Variants in MACROD2 observed in about 807,000 individuals in gnomAD.
MACROD2 encodes the protein ADP-ribose glycohydrolase MACROD2.
In MACROD2, 36 loss-of-function variants were observed where a neutral mutation model predicts 70.4. The ratio of observed to expected loss-of-function variants is 0.51; its 90% CI spans 0.39 to 0.68. MACROD2 has a LOEUF of 0.68. Ranked by LOEUF, MACROD2 falls within the 30% of genes least tolerant of loss-of-function variation. The pLI, the probability that MACROD2 is intolerant of heterozygous loss-of-function variation, is 0.00. For synonymous variants in MACROD2, 172 were observed against 178.8 expected (o/e 0.96, Z 0.30); for missense variants, 496 against 538.4 (o/e 0.92, Z 0.78).
intron 5 of MACROD2, among the ~76,000 whole-genome samples, chr20:14,906,384 C>T (rs1214311943): frequency 6.6e-6 from 1 of 152,120 alleles, no homozygotes; most frequent in Non-Finnish European, 1.5e-5. Flanking sequence ...ATCCCAGCTA[C>T]TGGGGAGGCT....
At chr20:15,369,444 C>T (rs2146259361) in intron 6 of MACROD2, among the ~76,000 whole-genome samples, 1 of 152,236 alleles carries the variant, frequency 6.6e-6, no homozygotes, top group East Asian at 1.9e-4. Context: ...CTATTAGTAG[C>T]TCTCCTTGTA....
intron 6 of MACROD2, among the ~76,000 whole-genome samples, chr20:15,355,596 C>A (rs2078277441): frequency 6.6e-6 from 1 of 152,174 alleles, no homozygotes; most frequent in African/African-American, 2.4e-5. Context: ...AATCTCTAGT[C>A]CTTGCCCCTT....
intron 6 of MACROD2, among the ~76,000 whole-genome samples, chr20:15,309,807 T>G (rs922861131): frequency 1.3e-5 from 2 of 152,104 alleles, no homozygotes; most frequent in African/African-American, 4.8e-5. Context: ...AAAGAGAAAG[T>G]GATATTTTTG....
In MACROD2 at chr20:15,948,382, C is replaced by CAA. The variant is rs71192307; in HGVS notation, c.907+10867_907+10868dup. Among the ~76,000 whole-genome samples, 190 of 43,134 alleles carry CAA rather than the reference C, an allele frequency of 4.4e-3. 5 individuals are homozygous for CAA. The highest frequency in any genetic ancestry group is 5.2e-3 in the Non-Finnish European group (112 of 21,346). 28.3% of individuals were successfully genotyped at this position (43,134 alleles called of 152,430 possible). A position where few individuals can be genotyped will look rare whatever the true frequency, so the allele number is the denominator to read the frequency against. ...TTCACTCTATTAAATCTTGCAACTGCAAAAAAAAAAAAAAAAAAAAAAAAA... is the reference window on the plus strand; with the variant it reads ...TTCACTCTATTAAATCTTGCAACTGCAAAAAAAAAAAAAAAAAAAAAAAAAAA... On this transcript the variant is annotated intron_variant, in intron 12 of 17. Transcript: ENST00000684519.
chr20:15,672,958 C>T (rs1243771021), intron 8 of MACROD2, among the ~76,000 whole-genome samples: 1 of 152,190 alleles, frequency 6.6e-6, no homozygotes, highest in Non-Finnish European at 1.5e-5. Flanking sequence ...GTTCCCTGCA[C>T]AAGTTCTCTT....
intron 3 of MACROD2, among the ~76,000 whole-genome samples, chr20:14,105,643 G>C (rs984291219): frequency 6.6e-6 from 1 of 152,178 alleles, no homozygotes. Flanking sequence ...AACTAGGGTG[G>C]CATATGGCCT....
At chr20:14,968,790 C>A (rs1051889810) in intron 5 of MACROD2, among the ~76,000 whole-genome samples, 5 of 152,176 alleles carry the variant, frequency 3.3e-5, no homozygotes, top group African/African-American at 2.4e-5. Context: ...ACCATCCCTA[C>A]CACAAGTAAA....
chr20:14,779,799 A>G (rs1191768845), intron 5 of MACROD2, among the ~76,000 whole-genome samples: 1 of 152,170 alleles, frequency 6.6e-6, no homozygotes, highest in Non-Finnish European at 1.5e-5. Flanking sequence ...TTAAAACTTT[A>G]GAATATCTTA....
rs535303303 is a variant in MACROD2, at chr20:15,737,444, G to A, written c.646-125301G>A. Among the ~76,000 whole-genome samples, 28 of 152,268 alleles carry A rather than the reference G, an allele frequency of 1.8e-4. No homozygotes were observed. The South Asian group carries it at 2.1e-3, about 11-fold the overall frequency. ...TAAGTACTTACTGAGACACTGATGCGTGTGCCACATGCCAAGCTCCCATCT... is the reference window on the plus strand; with the variant it reads ...TAAGTACTTACTGAGACACTGATGCATGTGCCACATGCCAAGCTCCCATCT... On this transcript the variant is annotated intron_variant, in intron 8 of 17. Transcript: ENST00000684519.
intron 3 of MACROD2, among the ~76,000 whole-genome samples, chr20:14,272,529 A>G (rs2082205809): frequency 6.6e-6 from 1 of 152,204 alleles, no homozygotes; most frequent in Non-Finnish European, 1.5e-5. Flanking sequence ...GGTACCAGCC[A>G]CTGCAAAAAC....
At chr20:14,059,906 T>G (rs2053673189) in intron 2 of MACROD2, among the ~76,000 whole-genome samples, 1 of 152,164 alleles carries the variant, frequency 6.6e-6, no homozygotes, top group Admixed American at 6.5e-5. Context: ...ACATTTGAAT[T>G]AGTAACTTGG....
chr20:14,226,978 G>A (rs2081743462), intron 3 of MACROD2, among the ~76,000 whole-genome samples: 1 of 152,264 alleles, frequency 6.6e-6, no homozygotes, highest in South Asian at 2.1e-4. Flanking sequence ...CCTGAGTCTG[G>A]TGAGGACGTG....
intron 5 of MACROD2, among the ~76,000 whole-genome samples, chr20:14,992,757 C>T (rs997834398): frequency 1.3e-5 from 2 of 152,086 alleles, no homozygotes; most frequent in Non-Finnish European, 2.9e-5. Flanking sequence ...CATTTAAAAG[C>T]TAAATGTATA....
chr20:14,739,444 G>A (rs2071707210), intron 5 of MACROD2, among the ~76,000 whole-genome samples: 1 of 151,900 alleles, frequency 6.6e-6, no homozygotes, highest in Non-Finnish European at 1.5e-5. Context: ...AATGTTACCT[G>A]TGGGGTAGAT....
chr20:14,166,195 G>T (rs1474950474), intron 3 of MACROD2, among the ~76,000 whole-genome samples: 1 of 151,990 alleles, frequency 6.6e-6, no homozygotes, highest in Non-Finnish European at 1.5e-5. Flanking sequence ...TTTTGTGATG[G>T]TCATAGGCTT....
intron 9 of MACROD2, among the ~76,000 whole-genome samples, chr20:15,874,909 G>A (rs988578080): frequency 1.3e-5 from 2 of 152,150 alleles, no homozygotes; most frequent in African/African-American, 2.4e-5. Flanking sequence ...TAGAGGTGGG[G>A]TCAATGTCAT....
intron 3 of MACROD2, among the ~76,000 whole-genome samples, chr20:14,407,471 G>A (rs2083703730): frequency 6.6e-6 from 1 of 151,964 alleles, no homozygotes; most frequent in South Asian, 2.1e-4. Flanking sequence ...TGACAGTGTG[G>A]TCTGACTGCT....
At position 14,113,686 on chromosome 20, in the gene MACROD2, G is replaced by T. The variant is rs915133183; in HGVS notation, c.271+27958G>T. Among the ~76,000 whole-genome samples, 16 of 152,184 alleles carry T rather than the reference G, an allele frequency of 1.1e-4. No individual in the cohort carries two copies. In the East Asian group the frequency reaches 1.2e-3, roughly 11 times the overall value. On this transcript the variant is annotated intron_variant, in intron 3 of 17. Coordinates refer to ENST00000684519, the MANE Select transcript of MACROD2 (RefSeq NM_001351661.2). ...ATCACACAGTTAGAATTCTCATCCCGTGGGTTTCCAGGTGGAAATTAATTC... is the reference window on the plus strand; with the variant it reads ...ATCACACAGTTAGAATTCTCATCCCTTGGGTTTCCAGGTGGAAATTAATTC...
chr20:14,479,106 A>G (rs1473274789), intron 3 of MACROD2, among the ~76,000 whole-genome samples: 1 of 152,054 alleles, frequency 6.6e-6, no homozygotes, highest in Non-Finnish European at 1.5e-5. Context: ...GCCTGGTGGA[A>G]AAGAAATGAC....
Sources: gnomAD v4.1 joint callset for allele counts (sites outside exome capture counted in the v4.1 genomes callset) on GRCh38, gnomAD v4.1.1 for gene constraint, MANE v1.5 for transcripts, NCBI Gene and HGNC (gene_info 2026-07-23, HGNC 2026-07-21) for gene names.